Variants in C11orf65 observed in about 807,000 individuals in gnomAD.
C11orf65 encodes the protein chromosome 11 open reading frame 65.
In C11orf65, 38 loss-of-function variants were observed where a neutral mutation model predicts 35.3. That is an observed-to-expected ratio of 1.08 (90% CI 0.83 to 1.41). The LOEUF is 1.41. Ranked by LOEUF, C11orf65 falls within the 40% of genes most tolerant of loss-of-function variation. The pLI is 0.00. For missense variants in C11orf65, 370 were observed against 367.1 expected (o/e 1.01, Z -0.06); for synonymous variants, 105 against 114.4 (o/e 0.92, Z 0.53).
chr11:108,393,091 G>GTT, intron 7 of C11orf65, 117 bp downstream of exon 7: 53 of 1,025,448 alleles, frequency 5.2e-5, no homozygotes, highest in South Asian at 9.6e-5. Flanking sequence ...AGATACTCGG[G>GTT]TTTTTTTTTT....
Position 108,449,656 on chromosome 11 carries a change from C to T in C11orf65, c.81+11823G>A, listed in dbSNP as rs1464755604. Among the ~76,000 whole-genome samples the T allele has an allele frequency of 3.3e-5, 5 of 151,902 alleles. No individual in the cohort carries two copies. The East Asian group carries it at 5.8e-4, about 18-fold the overall frequency. On this transcript the variant is annotated intron_variant, in intron 2 of 8. Coordinates refer to ENST00000393084, the MANE Select transcript of C11orf65 (RefSeq NM_152587.5). Reference sequence around the variant, plus strand: ...TAACTCAAGATGGATTAAAGACTTACATGTTAGACCTAAAACTATAAAAAC... The same window carrying T: ...TAACTCAAGATGGATTAAAGACTTATATGTTAGACCTAAAACTATAAAAAC...
intron 3 of C11orf65, among the ~76,000 whole-genome samples, chr11:108,411,800 T>C (rs571427799): frequency 1.3e-5 from 2 of 151,920 alleles, no homozygotes; most frequent in Non-Finnish European, 2.9e-5. Flanking sequence ...TTCTTTTTTT[T>C]TTTTTGAGAT....
chr11:108,425,269 G>T (rs2092883968), intron 3 of C11orf65, among the ~76,000 whole-genome samples: 1 of 151,402 alleles, frequency 6.6e-6, no homozygotes, highest in Admixed American at 6.6e-5. Context: ...GACTAACAAA[G>T]AAGAGAGAAG....
At chr11:108,464,867 A>G (rs2093515910) in intron 1 of C11orf65, among the ~76,000 whole-genome samples, 1 of 152,214 alleles carries the variant, frequency 6.6e-6, no homozygotes. Flanking sequence ...CATTAAAAAA[A>G]ACAGCGTGCA....
intron 2 of C11orf65, 60 bp downstream of exon 2, chr11:108,461,419 T>C: frequency 1.5e-6 from 2 of 1,338,966 alleles, no homozygotes; most frequent in Non-Finnish European, 1.1e-6. Context: ...AATTGAACTG[T>C]ACACTTTAAA....
At chr11:108,369,472 C>CTGTT (rs1295734384) in intron 2 of C11orf65, among the ~76,000 whole-genome samples, 2 of 152,056 alleles carry the variant, frequency 1.3e-5, no homozygotes, top group Non-Finnish European at 2.9e-5. Context: ...AGTTTTTTAC[C>CTGTT]TGTTTATCAT....
chr11:108,331,369 A>C (rs142216104), downstream of C11orf65: 18 of 1,547,536 alleles, frequency 1.2e-5, no homozygotes, highest in East Asian at 3.4e-4. Context: ...CTGTCTTAAA[A>C]TAACTTACTT....
At chr11:108,399,340 G>C (rs530963845) in intron 6 of C11orf65, among the ~76,000 whole-genome samples, 45 of 152,224 alleles carry the variant, frequency 3.0e-4, no homozygotes, top group Non-Finnish European at 5.3e-4. Context: ...TTGATCAGCT[G>C]GGAAACTATA....
chr11:108,450,423 A>G (rs7128874), intron 2 of C11orf65, among the ~76,000 whole-genome samples: 3,354 of 151,832 alleles, frequency 0.022, 138 homozygotes, highest in African/African-American at 0.07. Context: ...GCACATATAC[A>G]CCATGGAATA....
At chr11:108,458,388 G>A (rs2093432960) in intron 2 of C11orf65, among the ~76,000 whole-genome samples, 2 of 149,508 alleles carry the variant, frequency 1.3e-5, no homozygotes, top group Non-Finnish European at 3.0e-5. Flanking sequence ...AGAGGTGGTT[G>A]GAGAAGATCA....
At chr11:108,434,490 G>C (rs1300204093) in intron 2 of C11orf65, among the ~76,000 whole-genome samples, 1 of 151,348 alleles carries the variant, frequency 6.6e-6, no homozygotes, top group Admixed American at 6.6e-5. Context: ...GGGTGACAGA[G>C]GGAGACTCTG....
chr11:108,404,955 G>T (rs1472817536), intron 6 of C11orf65, among the ~76,000 whole-genome samples: 3 of 152,220 alleles, frequency 2.0e-5, no homozygotes, highest in African/African-American at 7.2e-5. Context: ...CTCGGTAACA[G>T]ACCGGGCCGA....
At chr11:108,357,799 C>T (rs1185728103) in intron 2 of C11orf65, among the ~76,000 whole-genome samples, 2 of 151,980 alleles carry the variant, frequency 1.3e-5, no homozygotes, top group African/African-American at 4.8e-5. Flanking sequence ...ATCTGTACAT[C>T]ACCATCATCA....
At chr11:108,400,327 A>G (rs1037613775) in intron 6 of C11orf65, among the ~76,000 whole-genome samples, 1 of 152,176 alleles carries the variant, frequency 6.6e-6, no homozygotes, top group Non-Finnish European at 1.5e-5. Context: ...TGCAAAGTTT[A>G]TCTGCCTCCT....
chr11:108,426,967 G>T (rs1222636327), intron 3 of C11orf65, among the ~76,000 whole-genome samples: 1 of 152,058 alleles, frequency 6.6e-6, no homozygotes, highest in East Asian at 1.9e-4. Flanking sequence ...ATAGTGCTGG[G>T]AAAAATGGCT....
At chr11:108,395,003 C>A (rs1444287608) in intron 6 of C11orf65, among the ~76,000 whole-genome samples, 1 of 152,188 alleles carries the variant, frequency 6.6e-6, no homozygotes, top group East Asian at 1.9e-4. Flanking sequence ...CAGTGGCACA[C>A]GCCTGTAGTC....
intron 3 of C11orf65, among the ~76,000 whole-genome samples, chr11:108,427,615 G>A (rs2092922039): frequency 6.9e-6 from 1 of 145,052 alleles, no homozygotes; most frequent in Non-Finnish European, 1.5e-5. Context: ...CCAGCTACAC[G>A]GGAGGCTGAG....
At chr11:108,312,457 T>G in intron 6 of C11orf65, 1 of 1,597,006 alleles carries the variant, frequency 6.3e-7, no homozygotes, top group East Asian at 2.2e-5. Context: ...TATTTCTAGC[T>G]TGAGTGAAAA....
intron 2 of C11orf65, among the ~76,000 whole-genome samples, chr11:108,362,081 T>A (rs1309078131): frequency 2.0e-4 from 27 of 134,356 alleles, no homozygotes; most frequent in Middle Eastern, 3.6e-3. Context: ...GAATCTACAA[T>A]GAACTCAAAC....
Sources: allele counts gnomAD v4.1 joint callset (sites outside exome capture counted in the v4.1 genomes callset), GRCh38; gene constraint gnomAD v4.1.1; transcripts MANE v1.5; gene names NCBI Gene and HGNC (gene_info 2026-07-23, HGNC 2026-07-21).